FBLN7: variants seen among roughly 807,000 people sequenced by gnomAD.
The protein encoded by FBLN7 is fibulin-7.
Under a neutral mutation model 44.0 loss-of-function variants are expected in FBLN7, and 31 were observed. That is an observed-to-expected ratio of 0.70 (90% CI 0.53 to 0.95). FBLN7 has a LOEUF of 0.95. Among genes scored for constraint, FBLN7 ranks in the 40% least tolerant of loss-of-function variants. The pLI is 0.00. For synonymous variants in FBLN7, 262 were observed against 253.4 expected (o/e 1.03, Z -0.32); for missense variants, 573 against 618.5 (o/e 0.93, Z 0.78).
At chr2:112,139,313 G>C (rs1231254756) in intron 1 of FBLN7, among the ~76,000 whole-genome samples, 2 of 1,782 alleles carry the variant, frequency 1.1e-3, no homozygotes, top group African/African-American at 0.011. Flanking sequence ...CCTCTCTCCA[G>C]GCCAGCGTCC....
chr2:112,228,015 C>G, the FBLN7 span, among the ~76,000 whole-genome samples: 1 of 152,224 alleles, frequency 6.6e-6, no homozygotes, highest in Non-Finnish European at 1.5e-5. Context: ...CAAAGCTAGA[C>G]AGCTTACGCT....
chr2:112,237,440 CT>C, the FBLN7 span, among the ~76,000 whole-genome samples: 1 of 152,162 alleles, frequency 6.6e-6, no homozygotes, highest in Admixed American at 6.5e-5. Flanking sequence ...ATTTATTTAT[CT>C]ATCCGTGCAC....
the FBLN7 span, among the ~76,000 whole-genome samples, chr2:112,244,301 T>G: frequency 6.6e-6 from 1 of 152,064 alleles, no homozygotes; most frequent in East Asian, 1.9e-4. Context: ...CTATCAACAA[T>G]GAGGTAAATT....
the FBLN7 span, among the ~76,000 whole-genome samples, chr2:112,198,639 AAAAGAAAG>A: frequency 7.8e-4 from 107 of 136,370 alleles, no homozygotes; most frequent in African/African-American, 1.5e-3. Flanking sequence ...GTCTCAAAAA[AAAAGAAAG>A]AAAGAAAGAA....
At chr2:112,191,769 T>G (rs1249325962), downstream of FBLN7, among the ~76,000 whole-genome samples, 2 of 152,194 alleles carry the variant, frequency 1.3e-5, no homozygotes, top group East Asian at 3.8e-4. Flanking sequence ...AGAATCAGGA[T>G]TTACTGATTA....
At chr2:112,213,112 G>C in the FBLN7 span, 2 of 151,866 alleles carry the variant, frequency 1.3e-5, no homozygotes, top group African/African-American at 4.8e-5. Context: ...TGGGACTCCA[G>C]GTATGCACCT....
At chr2:112,170,586 G>A (rs1461205364) in intron 3 of FBLN7, among the ~76,000 whole-genome samples, 2 of 151,912 alleles carry the variant, frequency 1.3e-5, no homozygotes, top group African/African-American at 4.8e-5. Context: ...AGACCCCCAG[G>A]GAAGGGAAGA....
At chr2:112,214,201 C>G in the FBLN7 span, 1 of 152,236 alleles carries the variant, frequency 6.6e-6, no homozygotes, top group African/African-American at 2.4e-5. Context: ...CCACCTCGGC[C>G]TCCCAAAGTG....
the FBLN7 span, among the ~76,000 whole-genome samples, chr2:112,232,107 C>T: frequency 1.3e-5 from 2 of 152,058 alleles, no homozygotes; most frequent in Admixed American, 1.3e-4. Flanking sequence ...GCCAGGAGTT[C>T]AAGACCAACC....
At chr2:112,166,982 T>C (rs924100543) in intron 3 of FBLN7, among the ~76,000 whole-genome samples, 2 of 152,224 alleles carry the variant, frequency 1.3e-5, no homozygotes, top group Non-Finnish European at 2.9e-5. Flanking sequence ...ACTTTGTCTC[T>C]GGGCTGTGTA....
chr2:112,212,113 T>TA, the FBLN7 span: 1 of 152,268 alleles, frequency 6.6e-6, no homozygotes. Flanking sequence ...GCTGGTATAT[T>TA]AGTGTGTGGT....
At chr2:112,199,637 T>A in the FBLN7 span, among the ~76,000 whole-genome samples, 5 of 152,178 alleles carry the variant, frequency 3.3e-5, no homozygotes, top group Admixed American at 2.6e-4. Flanking sequence ...TCCCTCCTGT[T>A]AAGATGTTCC....
chr2:112,241,080 T>G, the FBLN7 span, among the ~76,000 whole-genome samples: 1 of 151,670 alleles, frequency 6.6e-6, no homozygotes, highest in Non-Finnish European at 1.5e-5. Flanking sequence ...AAATTTCTGA[T>G]AGACAAAAAG....
chr2:112,197,768 TA>T, the FBLN7 span, among the ~76,000 whole-genome samples: 1 of 152,206 alleles, frequency 6.6e-6, no homozygotes, highest in Non-Finnish European at 1.5e-5. Context: ...TAACTGCAGC[TA>T]AATTTAAAGC....
the FBLN7 span, chr2:112,234,087 T>C: frequency 8.0e-7 from 1 of 1,247,116 alleles, no homozygotes; most frequent in Non-Finnish European, 1.1e-6. Context: ...CAGTTTTACA[T>C]TTTAGTAGAT....
At chr2:112,234,616 C>A in the FBLN7 span, among the ~76,000 whole-genome samples, 2 of 152,064 alleles carry the variant, frequency 1.3e-5, no homozygotes, top group South Asian at 4.1e-4. Context: ...GCCTGGCCAA[C>A]ACAGTGAAAC....
the FBLN7 span, among the ~76,000 whole-genome samples, chr2:112,218,643 G>C: frequency 6.6e-6 from 1 of 152,132 alleles, no homozygotes; most frequent in African/African-American, 2.4e-5. Flanking sequence ...AAATACACTG[G>C]AAAATTTTTT....
the FBLN7 span, among the ~76,000 whole-genome samples, chr2:112,227,001 T>A: frequency 6.6e-6 from 1 of 152,144 alleles, no homozygotes. Context: ...CCAAGATTCA[T>A]CCATGATAAA....
Position 112,159,712 on chromosome 2 carries a change from CG to C in FBLN7, c.113del (p.Arg38ProfsTer7). ...LSKQQLLSAI[R>X]QLQQLLKGQE... ...CAAACAGCAGCTCCTCTCGGCCATC[CG>C]CCAGCTGCAGCAGCTGCTGAAGGGC... On this transcript the variant is annotated frameshift_variant, in exon 2 of 8. Coordinates refer to ENST00000331203, the MANE Select transcript of FBLN7 (RefSeq NM_153214.3). LOFTEE classifies it high-confidence loss of function. 6.3e-7 allele frequency: 1 copy of C among 1,578,964 alleles called. No individual in the cohort carries two copies. The highest frequency in any genetic ancestry group is 8.6e-7 in the Non-Finnish European group (1 of 1,162,138).
Sources: gnomAD v4.1 joint callset for allele counts (sites outside exome capture counted in the v4.1 genomes callset) on GRCh38, gnomAD v4.1.1 for gene constraint, MANE v1.5 for transcripts, NCBI Gene and HGNC (gene_info 2026-07-23, HGNC 2026-07-21) for gene names.